CPLX2: variants seen among roughly 807,000 people sequenced by gnomAD.
The protein encoded by CPLX2 is complexin-2.
Under a neutral mutation model 16.3 loss-of-function variants are expected in CPLX2, and 5 were observed. The observed-to-expected ratio is 0.31, with a 90% CI of 0.16 to 0.64. The LOEUF (loss-of-function observed/expected upper bound fraction) is 0.64. CPLX2 is among the 30% of genes least tolerant of loss of function. The pLI is 0.79. For missense variants in CPLX2, 144 were observed against 181.4 expected (o/e 0.79, Z 1.18); for synonymous variants, 89 against 73.2 (o/e 1.22, Z -1.10).
At position 175,824,233 on chromosome 5, in the gene CPLX2, T is replaced by C. The variant is rs138354215; in HGVS notation, c.-89+15165T>C. ...TGCATTTAAGTCATGATTAATTCATTTTCCCCATTTTTTATTAATCAAAGA... is the reference window on the plus strand; with the variant it reads ...TGCATTTAAGTCATGATTAATTCATCTTCCCCATTTTTTATTAATCAAAGA... On this transcript the variant is annotated intron_variant, in intron 2 of 4. Coordinates refer to the CPLX2 transcript ENST00000359546. Among the ~76,000 whole-genome samples the C allele has an allele frequency of 2.3e-3, 344 of 152,362 alleles. 4 individuals carry two copies. The highest frequency in any genetic ancestry group is 0.019 in the Admixed American group (290 of 15,314).
rs899069843 is a variant in CPLX2, at chr5:175,845,775, G to A, written c.-88-32877G>A. Among the ~76,000 whole-genome samples, 1 of 152,138 alleles carries A rather than the reference G, an allele frequency of 6.6e-6. No individual in the cohort carries two copies. The highest frequency in any genetic ancestry group is 2.4e-5 in the African/African-American group (1 of 41,424). On this transcript the variant is annotated intron_variant, in intron 2 of 4. Coordinates refer to the CPLX2 transcript ENST00000359546. This position sits in a 1 kb window ranked among gnomAD's most constrained non-coding sequence, Gnocchi z 4.0. ...GTGATGTGCCCAAGGTCACGTGGCT[G>A]TCAGATAACAGAGGCAGAACTTACA...
rs981629884 is a variant in CPLX2, at chr5:175,820,656, C to T, written c.-89+11588C>T. Among the ~76,000 whole-genome samples, 25 of 152,280 alleles carry T rather than the reference C, an allele frequency of 1.6e-4. No homozygotes were observed. In the South Asian group the frequency reaches 2.7e-3, roughly 16 times the overall value. On this transcript the variant is annotated intron_variant, in intron 2 of 4. Coordinates refer to the CPLX2 transcript ENST00000359546. Reference sequence around the variant, plus strand: ...TCAACGCCACCTCCAAGCAGCCCCCCGCCCCCTACCACACACAGCCCGTGT... The same window carrying T: ...TCAACGCCACCTCCAAGCAGCCCCCTGCCCCCTACCACACACAGCCCGTGT...
At position 175,829,231 on chromosome 5, in the gene CPLX2, T is replaced by A. The variant is rs1034484042; in HGVS notation, c.-89+20163T>A. 2.0e-5 allele frequency among the ~76,000 whole-genome samples: 3 copies of A among 152,328 alleles called. No homozygotes were observed. In the East Asian group the frequency reaches 5.8e-4, roughly 29 times the overall value. ...TTACAACAGCCCTGCAAGGGAGGCATTACCGTCCCCAACTTCTGGGGAGGA... is the reference window on the plus strand; with the variant it reads ...TTACAACAGCCCTGCAAGGGAGGCAATACCGTCCCCAACTTCTGGGGAGGA... On this transcript the variant is annotated intron_variant, in intron 2 of 4. Transcript: ENST00000359546.
At chr5:175,840,617 C>T (rs982790724) in intron 2 of CPLX2, among the ~76,000 whole-genome samples, 7 of 152,218 alleles carry the variant, frequency 4.6e-5, no homozygotes, top group Admixed American at 4.6e-4. Context: ...GAAAAATCAG[C>T]ACCATCCCTC....
At chr5:175,832,404 G>C (rs564026907) in intron 2 of CPLX2, among the ~76,000 whole-genome samples, 1 of 152,346 alleles carries the variant, frequency 6.6e-6, no homozygotes, top group African/African-American at 2.4e-5. Flanking sequence ...ACAGTGCTGA[G>C]AGCCAAACCA....
chr5:175,800,529 A>G (rs1758073492), intron 1 of CPLX2, among the ~76,000 whole-genome samples: 1 of 151,720 alleles, frequency 6.6e-6, no homozygotes, highest in Non-Finnish European at 1.5e-5. Flanking sequence ...GTGTGATTGC[A>G]GTCCAGACAT....
In CPLX2 at chr5:175,872,450, C is replaced by T. The variant is rs1160856887; in HGVS notation, c.-89+745C>T. On this transcript the variant is annotated intron_variant, in intron 1 of 3. Transcript: ENST00000393745. This position sits in a 1 kb window ranked among gnomAD's most constrained non-coding sequence, Gnocchi z 5.0. ...ACCGGGCCGGGTCTTGGGGTTGGAG[C>T]TATGTGTGTTGGGGGAAGGGGCGCT... Among the ~76,000 whole-genome samples the T allele has an allele frequency of 1.3e-5, 2 of 152,028 alleles. No individual in the cohort carries two copies. Among genetic ancestry groups the T allele is most frequent in the Non-Finnish European group, 2.9e-5 (2 of 67,984 alleles).
chr5:175,864,306 C>T (rs1309620340), intron 2 of CPLX2, among the ~76,000 whole-genome samples: 1 of 152,122 alleles, frequency 6.6e-6, no homozygotes, highest in Non-Finnish European at 1.5e-5. Context: ...CACCATGAAA[C>T]CTCTGAGATG....
intron 1 of CPLX2, among the ~76,000 whole-genome samples, chr5:175,803,137 T>A (rs1314494399): frequency 6.6e-6 from 1 of 152,168 alleles, no homozygotes; most frequent in Admixed American, 6.5e-5. Flanking sequence ...TCGGCCCAAA[T>A]GTGCTTTCAA....
At chr5:175,821,248 C>T (rs112842080) in intron 2 of CPLX2, among the ~76,000 whole-genome samples, 3,488 of 152,142 alleles carry the variant, frequency 0.023, 53 homozygotes, top group African/African-American at 0.03. Context: ...CTCAGCTCTA[C>T]GCAAGCAGGA....
intron 2 of CPLX2, among the ~76,000 whole-genome samples, chr5:175,844,516 A>C (rs1284546744): frequency 3.3e-5 from 5 of 152,160 alleles, no homozygotes; most frequent in African/African-American, 1.2e-4. Flanking sequence ...TAAAACAGAG[A>C]TTGTCAGCTG....
At chr5:175,824,060 C>A (rs1297223790) in intron 2 of CPLX2, among the ~76,000 whole-genome samples, 1 of 152,184 alleles carries the variant, frequency 6.6e-6, no homozygotes, top group Non-Finnish European at 1.5e-5. Context: ...CCCCTGCCAG[C>A]CATACAGGTC....
chr5:175,854,454 C>T (rs561931501), intron 2 of CPLX2, among the ~76,000 whole-genome samples: 5 of 152,166 alleles, frequency 3.3e-5, no homozygotes, highest in African/African-American at 1.2e-4. Flanking sequence ...CTTTCTGAGC[C>T]TCAGTTTGCC....
chr5:175,842,853 G>A (rs1165422008), intron 2 of CPLX2, among the ~76,000 whole-genome samples: 2 of 152,216 alleles, frequency 1.3e-5, no homozygotes, highest in Non-Finnish European at 2.9e-5. Flanking sequence ...GGGAGAAACT[G>A]AGGAAAGAAA....
chr5:175,855,065 C>G (rs1179185629), intron 2 of CPLX2, among the ~76,000 whole-genome samples: 3 of 152,196 alleles, frequency 2.0e-5, no homozygotes. Context: ...GAAAACAGAG[C>G]TTAGTCTGAG....
upstream of CPLX2, among the ~76,000 whole-genome samples, chr5:175,871,268 G>A (rs1447327047): frequency 1.3e-5 from 2 of 150,360 alleles, no homozygotes; most frequent in African/African-American, 2.5e-5. Context: ...CTGCGAGGGG[G>A]AGGAGAACAG....
chr5:175,847,149 C>T (rs1045721598), intron 2 of CPLX2, among the ~76,000 whole-genome samples: 12 of 152,192 alleles, frequency 7.9e-5, no homozygotes, highest in Non-Finnish European at 1.0e-4. Flanking sequence ...TCCCAGGCGA[C>T]GTGAGGCCAC....
At chr5:175,871,345 G>C (rs893469265), upstream of CPLX2, among the ~76,000 whole-genome samples, 1 of 143,826 alleles carries the variant, frequency 7.0e-6, no homozygotes, top group Non-Finnish European at 1.5e-5. Context: ...AGAAGGAGAC[G>C]GGAGGGAGGG....
intron 2 of CPLX2, among the ~76,000 whole-genome samples, chr5:175,822,766 T>C (rs1223631235): frequency 6.6e-6 from 1 of 152,222 alleles, no homozygotes; most frequent in Non-Finnish European, 1.5e-5. Context: ...AGCAAAGCTC[T>C]GTGATTGAAC....
Sources: allele counts gnomAD v4.1 joint callset (sites outside exome capture counted in the v4.1 genomes callset), GRCh38; gene constraint gnomAD v4.1.1; non-coding constraint Gnocchi (gnomAD v3.1); transcripts MANE v1.5; gene names NCBI Gene and HGNC (gene_info 2026-07-23, HGNC 2026-07-21).